The following ALKAL2 variants were observed in gnomAD, a reference collection of about 807,000 sequenced individuals.
ALKAL2 encodes the protein ALK and LTK ligand 2, also known as AUG-alpha.
A neutral mutation model predicts 18.5 loss-of-function variants in ALKAL2; 8 were observed. The ratio of observed to expected loss-of-function variants is 0.43; its 90% CI spans 0.25 to 0.78. The LOEUF (loss-of-function observed/expected upper bound fraction) is 0.78, where lower values mean the gene tolerates loss of function less well. Among genes scored for constraint, ALKAL2 ranks in the 30% least tolerant of loss-of-function variants. The probability of loss-of-function intolerance (pLI) is 0.22; values close to 1 mark genes in which losing one functional copy is unlikely to be tolerated. For missense variants in ALKAL2, 241 were observed against 211.2 expected, an observed-to-expected ratio of 1.14 and a Z score of -0.88; for synonymous variants, 135 against 95.8, an observed-to-expected ratio of 1.41 and a Z score of -2.39.
At chr2:282,903 T>C (rs1243617873) in intron 5 of ALKAL2, among the ~76,000 whole-genome samples, 1 of 152,220 alleles carries the variant, frequency 6.6e-6, no homozygotes, top group Non-Finnish European at 1.5e-5. Context: ...TGCCATGCAG[T>C]GAGCAGTTAA....
chr2:286,858 A>AT (rs1670526473), intron 2 of ALKAL2: 1 of 152,684 alleles, frequency 6.5e-6, no homozygotes, highest in African/African-American at 2.4e-5. Context: ...ATTAGTGGGA[A>AT]TATGCATGAA....
chr2:281,893 T>C (rs1231970879), intron 5 of ALKAL2, among the ~76,000 whole-genome samples: 1 of 152,008 alleles, frequency 6.6e-6, no homozygotes, highest in Admixed American at 6.5e-5. Context: ...GTGTGACACA[T>C]AGGCAGTGGA....
chr2:285,836 C>T (rs1670489524), intron 4 of ALKAL2: 2 of 371,142 alleles, frequency 5.4e-6, no homozygotes, highest in Admixed American at 4.5e-5. Context: ...AGAGTACACA[C>T]AAACATGGGC....
At chr2:285,840 CAT>C in intron 4 of ALKAL2, 1 of 383,346 alleles carries the variant, frequency 2.6e-6, no homozygotes, top group South Asian at 3.3e-5. Flanking sequence ...TACACACAAA[CAT>C]GGGCATTGGA....
At chr2:282,443 A>G (rs140727945) in intron 5 of ALKAL2, among the ~76,000 whole-genome samples, 2 of 152,358 alleles carry the variant, frequency 1.3e-5, no homozygotes, top group East Asian at 3.9e-4. Flanking sequence ...TGGTGAAATT[A>G]CAGTTGCATC....
chr2:280,043 A>C lies in ALKAL2; in HGVS notation c.*104T>G, dbSNP rs759285302. 4 of 1,328,054 alleles carry C rather than the reference A, an allele frequency of 3.0e-6. No individual in the cohort carries two copies. In the East Asian group the frequency reaches 6.9e-5, roughly 23 times the overall value. The allele number at this position is 1,328,054 out of a possible 1,614,324, so 82.3% of individuals were successfully genotyped here. On this transcript the variant is annotated 3_prime_UTR_variant, in exon 6 of 6. Coordinates refer to ENST00000403610, the MANE Select transcript of ALKAL2 (RefSeq NM_001002919.3). ...ATGGAAGAGTCTGTCTGCAAAAATA[A>C]ATCTCTTGTCCATGAGGGGATGTGT...
rs149178666 is a variant in ALKAL2 at position 282,877 on chromosome 2, C to T, written c.453+234G>A. Among the ~76,000 whole-genome samples the T allele has an allele frequency of 0.024, 3,651 of 152,270 alleles. 65 individuals are homozygous for T. Among genetic ancestry groups the T allele is most frequent in the Non-Finnish European group, 0.036 (2,420 of 68,026 alleles). Reference sequence around the variant, plus strand: ...GACTTGCTGTGTTTCAGAGCAGGACCCACTTAGTGCCCGTGTGCCATGCAG... The same window carrying T: ...GACTTGCTGTGTTTCAGAGCAGGACTCACTTAGTGCCCGTGTGCCATGCAG... On this transcript the variant is annotated intron_variant, in intron 5 of 5. Coordinates refer to ENST00000403610, the MANE Select transcript of ALKAL2 (RefSeq NM_001002919.3).
Position 279,894 on chromosome 2 carries a change from T to A in ALKAL2, c.*253A>T, listed in dbSNP as rs1178158708. ...ATTCTGTGTTTTATAGCACTACACG[T>A]CAAATGTGGAGCATTCCTTTTGTGT... On this transcript the variant is annotated 3_prime_UTR_variant, in exon 6 of 6. Coordinates refer to ENST00000403610, the MANE Select transcript of ALKAL2 (RefSeq NM_001002919.3). 2.1e-6 allele frequency: 1 copy of A among 484,606 alleles called. No individual in the cohort carries two copies. The highest frequency in any genetic ancestry group is 3.0e-5 in the East Asian group (1 of 33,500). 30.0% of individuals were successfully genotyped at this position (484,606 alleles called of 1,614,324 possible). A position where few individuals can be genotyped will look rare whatever the true frequency, so the allele number is the denominator to read the frequency against.
Position 287,720 on chromosome 2 carries a change from C to A in ALKAL2, c.116G>T (p.Arg39Leu). The A allele has an allele frequency of 6.8e-7, 1 of 1,471,780 alleles. No individual in the cohort carries two copies. The highest frequency in any genetic ancestry group is 9.0e-7 in the Non-Finnish European group (1 of 1,117,194). The allele number at this position is 1,471,780 out of a possible 1,614,324, so 91.2% of individuals were successfully genotyped here. A position where few individuals can be genotyped will look rare whatever the true frequency, so the allele number is the denominator to read the frequency against. The stretch of plus-strand genomic sequence containing the variant: ...CTCCTGGACGAGTTCCACCACCAGC[C>A]GCAGCAGCGCCTGTCCGTCCGCCGG... ...REPADGQALLRLVVELVQELR... is the reference protein window; with the variant it reads ...REPADGQALLLLVVELVQELR... The change falls in exon 2 of 6, where the codon CGG becomes CTG. Residue 39 changes from arginine to leucine, a missense_variant. Transcript: ENST00000403610.
rs1670566603 is a variant in ALKAL2, at chr2:287,643, C to T, written c.193G>A (p.Asp65Asn). ...GCCTCCGCGCGGCCCAGGGCGCAGT[C>T]CCGCCCGAGGAGCTGCAGGCCCTTG... is the stretch of plus-strand genomic sequence containing the variant. ...EHKGLQLLGRDCALGRAEAAG... is the reference protein window; with the variant it reads ...EHKGLQLLGRNCALGRAEAAG... Residue 65 changes from aspartate to asparagine, a missense_variant, in exon 2 of 6, where the codon GAC becomes AAC. Coordinates refer to ENST00000403610, the MANE Select transcript of ALKAL2 (RefSeq NM_001002919.3). The T allele has an allele frequency of 2.0e-6, 3 of 1,482,120 alleles. No individual in the cohort carries two copies. Among genetic ancestry groups the T allele is most frequent in the Non-Finnish European group, 2.7e-6 (3 of 1,122,380 alleles). 91.8% of individuals were successfully genotyped at this position (1,482,120 alleles called of 1,614,324 possible). A position where few individuals can be genotyped will look rare whatever the true frequency, so the allele number is the denominator to read the frequency against.
In ALKAL2 at chr2:287,875, C is replaced by T; in HGVS notation, c.-40G>A. 2 of 1,264,200 alleles carry T rather than the reference C, an allele frequency of 1.6e-6. No homozygotes were observed. Among genetic ancestry groups the T allele is most frequent in the Non-Finnish European group, 2.0e-6 (2 of 1,009,864 alleles). The allele number at this position is 1,264,200 out of a possible 1,614,324, so 78.3% of individuals were successfully genotyped here. A position where few individuals can be genotyped will look rare whatever the true frequency, so the allele number is the denominator to read the frequency against. On this transcript the variant is annotated 5_prime_UTR_variant, in exon 2 of 6. Transcript: ENST00000403610. ...CGCGGGGCTGGGAGACTCCGACACG[C>T]GCCGAGAGCTGGGCTCGCTGCGAGA...
At chr2:287,470 A>T in intron 2 of ALKAL2, 113 bp downstream of exon 2, 149 of 584,778 alleles carry the variant, frequency 2.5e-4, no homozygotes, top group Non-Finnish European at 3.5e-4. Flanking sequence ...AAAAAAAAAA[A>T]GGAATCCTGC....
rs1170475901 is a variant in ALKAL2 at position 287,664 on chromosome 2, C to T, written c.172G>A (p.Gly58Ser). Reference protein sequence around the residue: ...LRKHHSAEHKGLQLLGRDCAL... With the variant: ...LRKHHSAEHKSLQLLGRDCAL... Reference sequence around the variant, plus strand: ...CAGTCCCGCCCGAGGAGCTGCAGGCCCTTGTGCTCCGCCGAGTGGTGCTTC... The same window carrying T: ...CAGTCCCGCCCGAGGAGCTGCAGGCTCTTGTGCTCCGCCGAGTGGTGCTTC... The change falls in exon 2 of 6, where the codon GGC becomes AGC. Residue 58 changes from glycine (G) to serine (S), a missense_variant. Transcript: ENST00000403610. The T allele has an allele frequency of 6.7e-7, 1 of 1,484,764 alleles. No individual in the cohort carries two copies. The highest frequency in any genetic ancestry group is 8.9e-7 in the Non-Finnish European group (1 of 1,124,004). The allele number at this position is 1,484,764 out of a possible 1,614,324, so 92.0% of individuals were successfully genotyped here. A position where few individuals can be genotyped will look rare whatever the true frequency, so the allele number is the denominator to read the frequency against.
chr2:281,556 C>T (rs1020878520), intron 5 of ALKAL2, among the ~76,000 whole-genome samples: 4 of 152,182 alleles, frequency 2.6e-5, no homozygotes, highest in Non-Finnish European at 5.9e-5. Context: ...GAGACCCATA[C>T]AGGAGCCTGA....
At chr2:283,196 ACT>A (rs1470244371) in intron 4 of ALKAL2, 21 bp from the exon 5 acceptor site, 3 of 1,605,110 alleles carry the variant, frequency 1.9e-6, no homozygotes, top group Admixed American at 3.4e-5. Flanking sequence ...AATATATCAG[ACT>A]CTTGTCAGTT....
intron 4 of ALKAL2, chr2:283,496 C>A: frequency 4.1e-6 from 4 of 985,412 alleles, no homozygotes; most frequent in Non-Finnish European, 4.8e-6. Context: ...TCGCTTCCTA[C>A]GTGACAATCC....
At chr2:283,267 ATTTC>A in intron 4 of ALKAL2, 92 bp from the exon 5 acceptor site, 3 of 1,518,530 alleles carry the variant, frequency 2.0e-6, no homozygotes, top group East Asian at 2.5e-5. Flanking sequence ...AAAGCCATTT[ATTTC>A]TTCAAATATC....
At chr2:283,273 T>A in intron 4 of ALKAL2, 98 bp from the exon 5 acceptor site, 1 of 1,512,104 alleles carries the variant, frequency 6.6e-7, no homozygotes, top group Non-Finnish European at 8.9e-7. Flanking sequence ...ATTTATTTCT[T>A]CAAATATCTG....
rs1371468402 is a variant in ALKAL2, at chr2:286,091, G to A, written c.388+32C>T. ...GGGAACCGCTGCCTGCACTGCTCTTGCATTTTATAAAAATCCAATGCTGTT... is the reference window on the plus strand; with the variant it reads ...GGGAACCGCTGCCTGCACTGCTCTTACATTTTATAAAAATCCAATGCTGTT... On this transcript the variant is annotated intron_variant, in intron 4 of 5. Coordinates refer to ENST00000403610, the MANE Select transcript of ALKAL2 (RefSeq NM_001002919.3). 2.5e-6 allele frequency: 4 copies of A among 1,585,856 alleles called. No individual in the cohort carries two copies. In the East Asian group the frequency reaches 6.7e-5, roughly 27 times the overall value.
Sources: allele counts gnomAD v4.1 joint callset (sites outside exome capture counted in the v4.1 genomes callset), GRCh38; gene constraint gnomAD v4.1.1; transcripts MANE v1.5; gene names NCBI Gene and HGNC (gene_info 2026-07-23, HGNC 2026-07-21).